The following GLIS3 variants were observed in gnomAD, a reference collection of about 807,000 sequenced individuals.
The protein encoded by GLIS3 is zinc finger protein GLIS3.
A neutral mutation model predicts 78.6 loss-of-function variants in GLIS3; 53 were observed. That is an observed-to-expected ratio of 0.67 (90% confidence interval 0.54 to 0.85). GLIS3 has a LOEUF of 0.85. GLIS3 is among the 40% of genes least tolerant of loss of function. The pLI is 0.00. For synonymous variants in GLIS3, 684 were observed against 509.9 expected, an observed-to-expected ratio of 1.34 and a Z score of -4.60; for missense variants, 1,703 against 1,231.1, an observed-to-expected ratio of 1.38 and a Z score of -5.74.
intron 2 of GLIS3, among the ~76,000 whole-genome samples, chr9:4,263,328 T>C (rs1254597637): frequency 1.3e-5 from 2 of 152,210 alleles, no homozygotes; most frequent in Non-Finnish European, 2.9e-5. Context: ...TGTAGACAAT[T>C]ATTAAGAACT....
At chr9:4,132,626 G>A (rs1369116961) in intron 2 of GLIS3, among the ~76,000 whole-genome samples, 3 of 152,064 alleles carry the variant, frequency 2.0e-5, no homozygotes, top group African/African-American at 7.2e-5. Flanking sequence ...ACAATGGTGA[G>A]CAAGATTAAC....
intron 4 of GLIS3, among the ~76,000 whole-genome samples, chr9:3,992,988 G>T (rs1278495356): frequency 1.3e-5 from 2 of 152,144 alleles, no homozygotes; most frequent in Non-Finnish European, 2.9e-5. Flanking sequence ...ACCAGCTAAG[G>T]CTCTCAGTAA....
At chr9:4,189,567 T>C (rs949066895) in intron 2 of GLIS3, among the ~76,000 whole-genome samples, 2 of 152,154 alleles carry the variant, frequency 1.3e-5, no homozygotes, top group African/African-American at 2.4e-5. Context: ...TTCTGTCTCG[T>C]TGATCTGTCT....
intron 2 of GLIS3, among the ~76,000 whole-genome samples, chr9:4,250,981 T>G (rs564019025): frequency 8.3e-4 from 127 of 152,346 alleles, no homozygotes; most frequent in African/African-American, 2.9e-3. Flanking sequence ...GGGAGACTTA[T>G]GATTTCCATT....
the GLIS3 span, among the ~76,000 whole-genome samples, chr9:4,481,434 C>T: frequency 1.3e-5 from 2 of 151,832 alleles, no homozygotes; most frequent in African/African-American, 2.4e-5. Flanking sequence ...CAGTGAGCCT[C>T]GCACCATTAC....
chr9:4,352,078 T>A (rs1817978591), upstream of GLIS3, among the ~76,000 whole-genome samples: 1 of 152,224 alleles, frequency 6.6e-6, no homozygotes, highest in Non-Finnish European at 1.5e-5. Flanking sequence ...AGCTACAGTG[T>A]TCGTGAAGAC....
chr9:4,133,880 C>T (rs1043424416), intron 2 of GLIS3, among the ~76,000 whole-genome samples: 3 of 133,978 alleles, frequency 2.2e-5, no homozygotes, highest in Non-Finnish European at 3.3e-5. Context: ...ACACACCGTA[C>T]ATCTGTCCTC....
chr9:4,334,600 G>A (rs963854956), intron 2 of GLIS3, among the ~76,000 whole-genome samples: 1 of 152,252 alleles, frequency 6.6e-6, no homozygotes, highest in Non-Finnish European at 1.5e-5. Flanking sequence ...AGGTTACCTA[G>A]GTGAACGCCA....
intron 6 of GLIS3, among the ~76,000 whole-genome samples, chr9:3,931,880 G>T (rs1246021591): frequency 6.6e-6 from 1 of 152,070 alleles, no homozygotes; most frequent in Non-Finnish European, 1.5e-5. Flanking sequence ...CTTAAAGAAT[G>T]CTCTCTACTT....
chr9:4,311,641 A>T (rs370491064), intron 2 of GLIS3, among the ~76,000 whole-genome samples: 1 of 151,954 alleles, frequency 6.6e-6, no homozygotes, highest in African/African-American at 2.4e-5. Context: ...GTCTTCCCCA[A>T]CAGCAACATG....
intron 2 of GLIS3, among the ~76,000 whole-genome samples, chr9:4,198,411 C>G (rs1279849289): frequency 6.6e-6 from 1 of 151,748 alleles, no homozygotes; most frequent in African/African-American, 2.4e-5. Flanking sequence ...TTACAAAATA[C>G]AATTGAAAAT....
At chr9:4,244,398 C>G (rs1823603717) in intron 2 of GLIS3, among the ~76,000 whole-genome samples, 1 of 152,138 alleles carries the variant, frequency 6.6e-6, no homozygotes, top group Non-Finnish European at 1.5e-5. Flanking sequence ...TTATGACAGG[C>G]GTATGCTGTT....
intron 2 of GLIS3, among the ~76,000 whole-genome samples, chr9:4,233,744 T>G (rs567943168): frequency 4.9e-4 from 74 of 152,334 alleles, no homozygotes; most frequent in African/African-American, 1.7e-3. Context: ...AGCCAGGCAT[T>G]GACTTCTCCT....
intron 2 of GLIS3, among the ~76,000 whole-genome samples, chr9:4,210,167 G>A (rs948505863): frequency 1.3e-5 from 2 of 152,172 alleles, no homozygotes; most frequent in African/African-American, 4.8e-5. Context: ...CTTAATAAAT[G>A]AGCCTAATTC....
the GLIS3 span, among the ~76,000 whole-genome samples, chr9:4,445,631 C>T: frequency 2.0e-4 from 30 of 152,114 alleles, no homozygotes; most frequent in Admixed American, 2.0e-3. Flanking sequence ...AAGACTCTAA[C>T]TCTAAAAATA....
At chr9:4,339,789 AGGG>A (rs1817805565) in intron 2 of GLIS3, among the ~76,000 whole-genome samples, 1 of 1,528 alleles carries the variant, frequency 6.5e-4, no homozygotes. Context: ...CAGAAACTGT[AGGG>A]GGAGGGAAGG....
chr9:4,295,922 G>A (rs1816451914), intron 1 of GLIS3, among the ~76,000 whole-genome samples: 1 of 152,076 alleles, frequency 6.6e-6, no homozygotes, highest in Non-Finnish European at 1.5e-5. Flanking sequence ...AATGAGAATG[G>A]CAACAAGTTT....
At chr9:3,848,724 G>C (rs569719195) in intron 9 of GLIS3, among the ~76,000 whole-genome samples, 12 of 152,280 alleles carry the variant, frequency 7.9e-5, no homozygotes, top group African/African-American at 2.6e-4. Context: ...TATTTCTACA[G>C]TTTGAAAGAT....
the GLIS3 span, among the ~76,000 whole-genome samples, chr9:4,394,494 C>G: frequency 1.3e-5 from 2 of 152,048 alleles, no homozygotes; most frequent in African/African-American, 4.8e-5. Flanking sequence ...TCTTGAACAA[C>G]AAGCACGGGA....
Sources: allele counts gnomAD v4.1 joint callset (sites outside exome capture counted in the v4.1 genomes callset), GRCh38; gene constraint gnomAD v4.1.1; transcripts MANE v1.5; gene names NCBI Gene and HGNC (gene_info 2026-07-23, HGNC 2026-07-21).